The following GPR65 variants were observed in gnomAD, a reference collection of about 807,000 sequenced individuals.
GPR65 encodes T-cell death-associated gene 8 protein.
In GPR65, 2 loss-of-function variants were observed where a neutral mutation model predicts 0.7. The observed-to-expected ratio is 2.83, with a 90% CI of 1.16 to 8.92. GPR65 has a LOEUF of 8.92. GPR65 is among the 30% of genes most tolerant of loss of function. The pLI is 0.04. For missense variants in GPR65, 379 were observed against 399.4 expected, an observed-to-expected ratio of 0.95 and a Z score of 0.43; for synonymous variants, 128 against 146.5, an observed-to-expected ratio of 0.87 and a Z score of 0.91.
At position 88,010,586 on chromosome 14, in the gene GPR65, T is replaced by A; in HGVS notation, c.-262T>A. The A allele has an allele frequency of 5.1e-6, 2 of 393,360 alleles. No homozygotes were observed. Among genetic ancestry groups the A allele is most frequent in the Non-Finnish European group, 9.2e-6 (2 of 217,578 alleles). The allele number at this position is 393,360 out of a possible 1,614,324, so 24.4% of individuals were successfully genotyped here. A position where few individuals can be genotyped will look rare whatever the true frequency, so the allele number is the denominator to read the frequency against. On this transcript the variant is annotated 5_prime_UTR_variant, in exon 2 of 2. The change creates a premature stop within an existing upstream ORF in the 5' untranslated region. Transcript: ENST00000267549. The stretch of plus-strand genomic sequence containing the variant: ...GTGATAATGAACACATGGACTTCTG[T>A]TTATTAAATTCAGTTGACCCCTTTA...
rs772260251 is a variant in GPR65, at chr14:88,011,248, T to C, written c.401T>C (p.Val134Ala). ...AGGACAAGAAGATTTGCACTCATGG[T>C]CAGCCTGTCCATCTGGATATTGGAA... ...FLRTRRFALM[V>A]SLSIWILETI... Residue 134 changes from valine (V) to alanine (A), a missense_variant, in exon 2 of 2, where the codon GTC becomes GCC. Transcript: ENST00000267549. 23 of 1,613,902 alleles carry C rather than the reference T, an allele frequency of 1.4e-5. No individual in the cohort carries two copies. The East Asian group carries it at 3.3e-4, about 23-fold the overall frequency.
chr14:88,011,526 C>G lies in GPR65; in HGVS notation c.679C>G (p.Leu227Val), dbSNP rs747957837. ...ENKEKKRIIK[L>V]LVSITVTFVL... Reference sequence around the variant, plus strand: ...CAAGGAAAAGAAGAGAATCATAAAACTACTTGTCAGCATCACAGTTACTTT... The same window carrying G: ...CAAGGAAAAGAAGAGAATCATAAAAGTACTTGTCAGCATCACAGTTACTTT... The change falls in exon 2 of 2, where the codon CTA becomes GTA. Residue 227 changes from leucine to valine, a missense_variant. By Grantham distance (32) the Leu-to-Val change is conservative (BLOSUM62 1). Transcript: ENST00000267549. 1 of 1,613,824 alleles carries G rather than the reference C, an allele frequency of 6.2e-7. No individual in the cohort carries two copies. Among genetic ancestry groups the G allele is most frequent in the Non-Finnish European group, 8.5e-7 (1 of 1,179,768 alleles).
In GPR65 at chr14:88,012,422, A is replaced by G. The variant is rs1342174623; in HGVS notation, c.*561A>G. On this transcript the variant is annotated 3_prime_UTR_variant, in exon 2 of 2. Coordinates refer to ENST00000267549, the MANE Select transcript of GPR65 (RefSeq NM_003608.4). ...CAATTCAGTGATTTTTTGTATATTC[A>G]CAGAGCTGTGCAACCATCACCACAC... 6.6e-6 allele frequency: 1 copy of G among 152,218 alleles called. No homozygotes were observed. Among genetic ancestry groups the G allele is most frequent in the Non-Finnish European group, 1.5e-5 (1 of 68,078 alleles). 9.4% of individuals were successfully genotyped at this position (152,218 alleles called of 1,614,324 possible).
rs184451986 is a variant in GPR65 at position 88,005,171 on chromosome 14, A to C, written c.-511A>C. The C allele has an allele frequency of 1.2e-3, 187 of 152,440 alleles. No individual in the cohort carries two copies. Among genetic ancestry groups the C allele is most frequent in the African/African-American group, 4.3e-3 (179 of 41,566 alleles). The allele number at this position is 152,440 out of a possible 1,614,324, so 9.4% of individuals were successfully genotyped here. On this transcript the variant is annotated 5_prime_UTR_variant, in exon 1 of 2. Transcript: ENST00000267549. ...TTTCTCTTCTTGACTTGATGCAGGCACAGATTTATCAAGCTCCTCAGTCAA... is the reference window on the plus strand; with the variant it reads ...TTTCTCTTCTTGACTTGATGCAGGCCCAGATTTATCAAGCTCCTCAGTCAA...
chr14:88,010,640 T>A lies in GPR65; in HGVS notation c.-208T>A. The A allele has an allele frequency of 2.0e-6, 1 of 508,616 alleles. No individual in the cohort carries two copies. The highest frequency in any genetic ancestry group is 3.2e-5 in the East Asian group (1 of 31,280). The allele number at this position is 508,616 out of a possible 1,614,324, so 31.5% of individuals were successfully genotyped here. On this transcript the variant is annotated 5_prime_UTR_variant, in exon 2 of 2. Coordinates refer to ENST00000267549, the MANE Select transcript of GPR65 (RefSeq NM_003608.4). ...AATTGCCAGGAGCCTGGATTTTTAC[T>A]TCCAACTGCTGATATCTGTGTAAAA...
Position 88,011,089 on chromosome 14 carries a change from C to T in GPR65, c.242C>T (p.Thr81Ile). 6.2e-7 allele frequency: 1 copy of T among 1,613,868 alleles called. No homozygotes were observed. Among genetic ancestry groups the T allele is most frequent in the Non-Finnish European group, 8.5e-7 (1 of 1,179,778 alleles). ...IDYTWNKDNW[T>I]FSPALCKGSA... ...TATACCTGGAATAAAGACAACTGGA[C>T]TTTCTCTCCTGCCTTGTGCAAAGGG... The change falls in exon 2 of 2, where the codon ACT becomes ATT. Residue 81 changes from threonine (T) to isoleucine (I), a missense_variant. Transcript: ENST00000267549.
rs1887662362 is a variant in GPR65 at position 88,010,738 on chromosome 14, AAG to A, written c.-108_-107del. On this transcript the variant is annotated 5_prime_UTR_variant, in exon 2 of 2. Transcript: ENST00000267549. ...TTTAGACAACAAAGAAAAATTGAAAAAGAATTCTCAGTAAAAGCGAATTCGAT... is the reference window on the plus strand; with the variant it reads ...TTTAGACAACAAAGAAAAATTGAAAAAATTCTCAGTAAAAGCGAATTCGAT... The A allele has an allele frequency of 5.7e-6, 4 of 707,396 alleles. No individual in the cohort carries two copies. Among genetic ancestry groups the A allele is most frequent in the East Asian group, 2.6e-5 (1 of 38,162 alleles). The allele number at this position is 707,396 out of a possible 1,614,324, so 43.8% of individuals were successfully genotyped here.
rs1439121185 is a variant in GPR65 at position 88,010,382 on chromosome 14, A to T, written c.-459-7A>T. 6.4e-6 allele frequency: 1 copy of T among 155,382 alleles called. No homozygotes were observed. Among genetic ancestry groups the T allele is most frequent in the Non-Finnish European group, 1.4e-5 (1 of 69,974 alleles). The allele number at this position is 155,382 out of a possible 1,614,324, so 9.6% of individuals were successfully genotyped here. ...TCTAAACAATTTTAATTCATCTTTC[A>T]TTACAGAAGGAAAGGAATTTTAAAA... is the stretch of plus-strand genomic sequence containing the variant. On this transcript the variant is annotated splice_polypyrimidine_tract_variant and splice_region_variant and intron_variant, in intron 1 of 1. Coordinates refer to ENST00000267549, the MANE Select transcript of GPR65 (RefSeq NM_003608.4).
rs1887676463 is a variant in GPR65 at position 88,011,338 on chromosome 14, A to G, written c.491A>G (p.Lys164Arg). 1.2e-6 allele frequency: 2 copies of G among 1,613,976 alleles called. No individual in the cohort carries two copies. The highest frequency in any genetic ancestry group is 1.7e-6 in the Non-Finnish European group (2 of 1,180,002). ...GTTGTTGAATATTGCGATGCCGAAA[A>G]GTCTAATTTTACTTTATGCTATGAC... The part of the protein sequence containing the change: ...ETVVEYCDAE[K>R]SNFTLCYDKY... The change falls in exon 2 of 2, where the codon AAG (lysine) becomes AGG (arginine). Residue 164 changes from lysine (K) to arginine (R), a missense_variant. By Grantham distance (26) the Lys-to-Arg change is conservative. Transcript: ENST00000267549.
rs1887691142 is a variant in GPR65, at chr14:88,012,069, A to G, written c.*208A>G. On this transcript the variant is annotated 3_prime_UTR_variant, in exon 2 of 2. Transcript: ENST00000267549. The stretch of plus-strand genomic sequence containing the variant: ...AATGATGTATATTAAACAAAGATCA[A>G]TATTTTCTTAATGACTCAGGGTCTT... 1 of 427,408 alleles carries G rather than the reference A, an allele frequency of 2.3e-6. No individual in the cohort carries two copies. Among genetic ancestry groups the G allele is most frequent in the South Asian group, 5.1e-5 (1 of 19,500 alleles). 26.5% of individuals were successfully genotyped at this position (427,408 alleles called of 1,614,324 possible). A position where few individuals can be genotyped will look rare whatever the true frequency, so the allele number is the denominator to read the frequency against.
At position 88,010,971 on chromosome 14, in the gene GPR65, C is replaced by G. The variant is rs1383518975; in HGVS notation, c.124C>G (p.Gln42Glu). 1.2e-6 allele frequency: 2 copies of G among 1,613,028 alleles called. No individual in the cohort carries two copies. Among genetic ancestry groups the G allele is most frequent in the Non-Finnish European group, 1.7e-6 (2 of 1,179,048 alleles). Residue 42 changes from glutamine to glutamate, a missense_variant, in exon 2 of 2, where the codon CAA becomes GAA. By Grantham distance (29) the Gln-to-Glu change is conservative. Transcript: ENST00000267549. The part of the protein sequence containing the change: ...NIGSLCVSFL[Q>E]AKKESELGIY... ...TGGATCTCTGTGTGTGTCTTTCCTG[C>G]AAGCAAAGAAGGAAAGTGAACTAGG...
Position 88,013,895 on chromosome 14 carries a change from C to G in GPR65, c.*2034C>G, listed in dbSNP as rs2139785369. The G allele has an allele frequency of 6.6e-6, 1 of 152,296 alleles. No homozygotes were observed. Among genetic ancestry groups the G allele is most frequent in the Non-Finnish European group, 1.5e-5 (1 of 68,120 alleles). The allele number at this position is 152,296 out of a possible 1,614,324, so 9.4% of individuals were successfully genotyped here. ...TCTTACTGCATCACTTGTGGCTGGC[C>G]AGGAAAAGCCATGCAGGAGTTTTGT... On this transcript the variant is annotated 3_prime_UTR_variant, in exon 2 of 2. Coordinates refer to ENST00000267549, the MANE Select transcript of GPR65 (RefSeq NM_003608.4).
chr14:88,005,649 G>A (rs1887583304), intron 1 of GPR65, among the ~76,000 whole-genome samples: 1 of 152,130 alleles, frequency 6.6e-6, no homozygotes, highest in Admixed American at 6.6e-5. Flanking sequence ...AATATTTCCA[G>A]TATTAATAAA....
Position 88,011,451 on chromosome 14 carries a change from T to A in GPR65, c.604T>A (p.Cys202Ser), listed in dbSNP as rs754648962. 6.2e-7 allele frequency: 1 copy of A among 1,614,160 alleles called. No individual in the cohort carries two copies. The highest frequency in any genetic ancestry group is 8.5e-7 in the Non-Finnish European group (1 of 1,180,010). The change falls in exon 2 of 2, where the codon TGC becomes AGC. Residue 202 changes from cysteine to serine, a missense_variant. Cys to Ser is a moderately radical substitution (Grantham distance 112, BLOSUM62 -1). Transcript: ENST00000267549. ...AATACCTTTGGTCACCATCCTGATC[T>A]GCAACCGGAAAGTCTACCAAGCTGT... ...YAIPLVTILICNRKVYQAVRH... is the reference protein window; with the variant it reads ...YAIPLVTILISNRKVYQAVRH...
intron 1 of GPR65, among the ~76,000 whole-genome samples, chr14:88,009,291 TC>T (rs1030525610): frequency 6.6e-6 from 1 of 151,992 alleles, no homozygotes; most frequent in Non-Finnish European, 1.5e-5. Flanking sequence ...TCACAAATTT[TC>T]CCCCCCTTTG....
chr14:88,010,616 A>T lies in GPR65; in HGVS notation c.-232A>T, dbSNP rs1380570378. The T allele has an allele frequency of 4.2e-6, 2 of 475,954 alleles. No homozygotes were observed. The highest frequency in any genetic ancestry group is 7.3e-5 in the Admixed American group (2 of 27,412). The allele number at this position is 475,954 out of a possible 1,614,324, so 29.5% of individuals were successfully genotyped here. A position where few individuals can be genotyped will look rare whatever the true frequency, so the allele number is the denominator to read the frequency against. ...TAAATTCAGTTGACCCCTTTAGCCA[A>T]TTGCCAGGAGCCTGGATTTTTACTT... On this transcript the variant is annotated 5_prime_UTR_variant, in exon 2 of 2. Transcript: ENST00000267549.
At position 88,010,955 on chromosome 14, in the gene GPR65, G is replaced by C; in HGVS notation, c.108G>C (p.Leu36=). 1 of 1,612,854 alleles carries C rather than the reference G, an allele frequency of 6.2e-7. No homozygotes were observed. The highest frequency in any genetic ancestry group is 8.5e-7 in the Non-Finnish European group (1 of 1,178,904). Residue 36 remains leucine, a synonymous_variant, in exon 2 of 2, where the codon CTG becomes CTC. Coordinates refer to ENST00000267549, the MANE Select transcript of GPR65 (RefSeq NM_003608.4). ...GCATTCCAGCCAATATTGGATCTCT[G>C]TGTGTGTCTTTCCTGCAAGCAAAGA... ...IVSIPANIGS[L]CVSFLQAKKE...
Position 88,011,712 on chromosome 14 carries a change from C to A in GPR65, c.865C>A (p.Leu289Met). 1 of 1,613,784 alleles carries A rather than the reference C, an allele frequency of 6.2e-7. No homozygotes were observed. The highest frequency in any genetic ancestry group is 8.5e-7 in the Non-Finnish European group (1 of 1,179,762). Reference protein sequence around the residue: ...TSLNCVADPILYCFVTETGRY... With the variant: ...TSLNCVADPIMYCFVTETGRY... ...TTTAAATTGTGTTGCTGATCCAATT[C>A]TGTACTGTTTTGTAACCGAAACAGG... The change falls in exon 2 of 2, where the codon CTG becomes ATG. Residue 289 changes from leucine (L) to methionine (M), a missense_variant. Leu to Met is a conservative substitution (Grantham distance 15, BLOSUM62 2). Coordinates refer to ENST00000267549, the MANE Select transcript of GPR65 (RefSeq NM_003608.4).
intron 1 of GPR65, among the ~76,000 whole-genome samples, chr14:88,006,227 C>A (rs1887592078): frequency 6.6e-6 from 1 of 152,158 alleles, no homozygotes; most frequent in Non-Finnish European, 1.5e-5. Context: ...CTACCAATGT[C>A]ATTAAAACAA....
Sources: gnomAD v4.1 joint callset for allele counts (sites outside exome capture counted in the v4.1 genomes callset) on GRCh38, gnomAD v4.1.1 for gene constraint, MANE v1.5 for transcripts, NCBI Gene and HGNC (gene_info 2026-07-23, HGNC 2026-07-21) for gene names.